The following SCHIP1 variants were observed in gnomAD, a reference collection of about 807,000 sequenced individuals.
SCHIP1 encodes schwannomin-interacting protein 1.
SCHIP1 carries 8 observed loss-of-function variants against 29.7 expected under a neutral mutation model. The observed-to-expected ratio is 0.27, with a 90% CI of 0.16 to 0.49. SCHIP1 has a LOEUF of 0.49. Ranked by LOEUF, SCHIP1 falls within the 20% of genes least tolerant of loss-of-function variation. The probability of loss-of-function intolerance (pLI) is 0.99; values close to 1 mark genes in which losing one functional copy is unlikely to be tolerated. For synonymous variants in SCHIP1, 76 were observed against 94.9 expected, an observed-to-expected ratio of 0.80 and a Z score of 1.16; for missense variants, 193 against 294.6, an observed-to-expected ratio of 0.66 and a Z score of 2.52.
chr3:159,605,336 G>A, the SCHIP1 span, among the ~76,000 whole-genome samples: 39 of 152,322 alleles, frequency 2.6e-4, no homozygotes, highest in African/African-American at 8.7e-4. Flanking sequence ...TGGCAAAAAT[G>A]AATTAAAATC....
chr3:159,301,036 T>G, the SCHIP1 span, among the ~76,000 whole-genome samples: 1 of 152,218 alleles, frequency 6.6e-6, no homozygotes, highest in African/African-American at 2.4e-5. Flanking sequence ...TGTACTATTA[T>G]GTAGTACCAC....
the SCHIP1 span, among the ~76,000 whole-genome samples, chr3:159,793,358 T>G: frequency 6.6e-6 from 1 of 152,196 alleles, no homozygotes; most frequent in Non-Finnish European, 1.5e-5. Flanking sequence ...CTTGGTTCTT[T>G]CTCTTATATT....
the SCHIP1 span, among the ~76,000 whole-genome samples, chr3:159,467,528 T>TTAAC: frequency 6.6e-6 from 1 of 151,994 alleles, no homozygotes; most frequent in East Asian, 1.9e-4. Flanking sequence ...CTGGCCAGTC[T>TTAAC]TAACTTTCAT....
chr3:159,432,323 TGTGTGTGTGTGTGTGTGAGA>T, the SCHIP1 span, among the ~76,000 whole-genome samples: 3 of 103,806 alleles, frequency 2.9e-5, no homozygotes, highest in African/African-American at 6.3e-5. Context: ...TGTGTGTGTG[TGTGTGTGTGTGTGTGTGAGA>T]GAGAGAGAGA....
chr3:159,550,253 G>A, the SCHIP1 span, among the ~76,000 whole-genome samples: 2 of 151,912 alleles, frequency 1.3e-5, no homozygotes, highest in African/African-American at 2.4e-5. Flanking sequence ...AATATTATTA[G>A]TTATGCTTTT....
chr3:159,321,753 A>C, the SCHIP1 span, among the ~76,000 whole-genome samples: 2 of 152,086 alleles, frequency 1.3e-5, no homozygotes, highest in Non-Finnish European at 2.9e-5. Context: ...TACTATTTAG[A>C]AAAGATAAAG....
chr3:159,675,826 G>A, the SCHIP1 span, among the ~76,000 whole-genome samples: 389 of 152,302 alleles, frequency 2.6e-3, 2 homozygotes, highest in Middle Eastern at 0.01. Context: ...GGGCTCAGAA[G>A]TGTGTGTTAA....
chr3:159,742,633 C>A, the SCHIP1 span, among the ~76,000 whole-genome samples: 1 of 151,756 alleles, frequency 6.6e-6, no homozygotes, highest in Non-Finnish European at 1.5e-5. Flanking sequence ...AATAATAAAC[C>A]TTATTCTGAT....
the SCHIP1 span, among the ~76,000 whole-genome samples, chr3:159,493,139 G>A: frequency 6.6e-6 from 1 of 152,220 alleles, no homozygotes; most frequent in Non-Finnish European, 1.5e-5. Context: ...ACCAGCCACT[G>A]CAAAAACATG....
chr3:159,874,696 G>C (rs113624505), intron 2 of SCHIP1, among the ~76,000 whole-genome samples: 82 of 152,290 alleles, frequency 5.4e-4, no homozygotes, highest in African/African-American at 1.9e-3. Context: ...GTCTCTAACA[G>C]TAATAATTGT....
At chr3:159,552,073 C>A in the SCHIP1 span, among the ~76,000 whole-genome samples, 2 of 128,392 alleles carry the variant, frequency 1.6e-5, no homozygotes, top group East Asian at 2.6e-4. Flanking sequence ...GAGTCTCACT[C>A]TGTTGCCCAG....
the SCHIP1 span, among the ~76,000 whole-genome samples, chr3:159,804,191 A>G: frequency 1.2e-3 from 180 of 152,274 alleles, 1 homozygote; most frequent in African/African-American, 4.2e-3. Flanking sequence ...ACAATGAACT[A>G]TAGGAAATCC....
At chr3:159,425,816 AAAG>A in the SCHIP1 span, among the ~76,000 whole-genome samples, 4 of 152,200 alleles carry the variant, frequency 2.6e-5, no homozygotes, top group African/African-American at 9.6e-5. Context: ...AGCAAATGTA[AAAG>A]AACAGAAATT....
At chr3:159,422,383 G>A in the SCHIP1 span, among the ~76,000 whole-genome samples, 18 of 152,250 alleles carry the variant, frequency 1.2e-4, no homozygotes, top group East Asian at 1.9e-4. Flanking sequence ...TTACACACCC[G>A]AAATAAGGGG....
chr3:159,605,066 G>C, the SCHIP1 span, among the ~76,000 whole-genome samples: 1 of 152,146 alleles, frequency 6.6e-6, no homozygotes, highest in Non-Finnish European at 1.5e-5. Context: ...AACAAAACAT[G>C]CACCTACAGG....
At chr3:159,824,113 A>G in the SCHIP1 span, among the ~76,000 whole-genome samples, 2 of 152,234 alleles carry the variant, frequency 1.3e-5, no homozygotes, top group African/African-American at 2.4e-5. Flanking sequence ...TTCAGCATGA[A>G]AAAACATCAT....
the SCHIP1 span, among the ~76,000 whole-genome samples, chr3:159,365,914 C>T: frequency 1.3e-5 from 2 of 152,150 alleles, no homozygotes; most frequent in Admixed American, 1.3e-4. Flanking sequence ...GCAGGCTTTT[C>T]TGTACTTTGG....
the SCHIP1 span, among the ~76,000 whole-genome samples, chr3:159,772,753 T>C: frequency 1.3e-3 from 196 of 152,336 alleles, no homozygotes; most frequent in African/African-American, 4.5e-3. Context: ...TATTTATTTA[T>C]TTTTTGAGAC....
chr3:159,664,982 C>T, the SCHIP1 span, among the ~76,000 whole-genome samples: 1 of 152,212 alleles, frequency 6.6e-6, no homozygotes, highest in African/African-American at 2.4e-5. Flanking sequence ...GATTCTAATG[C>T]TTTGGTTCCA....
Sources: allele counts gnomAD v4.1 joint callset (sites outside exome capture counted in the v4.1 genomes callset), GRCh38; gene constraint gnomAD v4.1.1; transcripts MANE v1.5; gene names NCBI Gene and HGNC (gene_info 2026-07-23, HGNC 2026-07-21).